The following NAT10 variants were observed in gnomAD, a reference collection of about 807,000 sequenced individuals.
NAT10 encodes the protein N-acetyltransferase 10.
NAT10 carries 109 observed loss-of-function variants against 132.2 expected under a neutral mutation model. The observed-to-expected ratio is 0.82, with a 90% CI of 0.71 to 0.97. NAT10 has a LOEUF of 0.97. Among genes scored for constraint, NAT10 ranks in the 50% least tolerant of loss-of-function variants. The pLI, the probability that NAT10 is intolerant of heterozygous loss-of-function variation, is 0.00. For synonymous variants in NAT10, 479 were observed against 478.0 expected (o/e 1.00, Z -0.03); for missense variants, 1,184 against 1,263.4 (o/e 0.94, Z 0.95).
chr11:34,139,017 T>C (rs1017333130), intron 21 of NAT10, 174 bp from the exon 22 acceptor site: 12 of 593,430 alleles, frequency 2.0e-5, no homozygotes, highest in Non-Finnish European at 3.0e-5. Context: ...TGAGGTGATA[T>C]GAGGAAGGTG....
chr11:34,124,561 C>G (rs543979316), intron 11 of NAT10, among the ~76,000 whole-genome samples, 161 bp downstream of exon 11: 1 of 152,200 alleles, frequency 6.6e-6, no homozygotes, highest in Admixed American at 6.5e-5. Context: ...TTTTCAGACT[C>G]TTCTAAAGAA....
At position 34,130,949 on chromosome 11, in the gene NAT10, C is replaced by T; in HGVS notation, c.1369+12C>T. The stretch of plus-strand genomic sequence containing the variant: ...CAGATTGGCATCAGGTACCCCAGAA[C>T]CTGACCCGGGTCCCGCGGTTCACAG... On this transcript the variant is annotated intron_variant, in intron 13 of 28. Coordinates refer to ENST00000257829, the MANE Select transcript of NAT10 (RefSeq NM_024662.3). 2.5e-6 allele frequency: 4 copies of T among 1,613,728 alleles called. No homozygotes were observed. Among genetic ancestry groups the T allele is most frequent in the Non-Finnish European group, 3.4e-6 (4 of 1,179,726 alleles).
chr11:34,141,693 G>T (rs1444426902), intron 25 of NAT10, 26 bp from the exon 26 acceptor site: 1 of 1,608,062 alleles, frequency 6.2e-7, no homozygotes, highest in Non-Finnish European at 8.5e-7. Context: ...TTCATCTTCT[G>T]CTTCTCTGTT....
intron 28 of NAT10, among the ~76,000 whole-genome samples, chr11:34,145,001 C>T (rs1852412959): frequency 1.3e-5 from 2 of 152,232 alleles, no homozygotes; most frequent in African/African-American, 4.8e-5. Flanking sequence ...CCTCATTTCC[C>T]AGATGCTTTG....
chr11:34,134,215 G>A lies in NAT10; in HGVS notation c.1735-104G>A, dbSNP rs557685881. 2.2e-5 allele frequency: 20 copies of A among 928,958 alleles called. 1 individual carries two copies. The South Asian group carries it at 2.8e-4, about 13-fold the overall frequency. The allele number at this position is 928,958 out of a possible 1,614,324, so 57.5% of individuals were successfully genotyped here. A position where few individuals can be genotyped will look rare whatever the true frequency, so the allele number is the denominator to read the frequency against. On this transcript the variant is annotated intron_variant, in intron 16 of 28. Transcript: ENST00000257829. ...AGTGTCAGGGTTAAACCTGAACATG[G>A]GGGTGGAAACAACTGGCCTAGTTCG...
intron 11 of NAT10, among the ~76,000 whole-genome samples, chr11:34,126,590 A>G (rs1465484585): frequency 1.3e-5 from 2 of 152,172 alleles, no homozygotes; most frequent in African/African-American, 4.8e-5. Flanking sequence ...ATACCAGTTT[A>G]CCCCCATGCC....
chr11:34,116,127 G>C (rs1459925007), intron 6 of NAT10, among the ~76,000 whole-genome samples: 1 of 152,078 alleles, frequency 6.6e-6, no homozygotes, highest in Non-Finnish European at 1.5e-5. Flanking sequence ...AGTTAAACCA[G>C]GTTACTCTCT....
In NAT10 at chr11:34,118,477, G is replaced by A. The variant is rs1851824407; in HGVS notation, c.754G>A (p.Val252Met). 1.2e-6 allele frequency: 2 copies of A among 1,614,010 alleles called. No homozygotes were observed. Among genetic ancestry groups the A allele is most frequent in the Non-Finnish European group, 8.5e-7 (1 of 1,179,928 alleles). ...GGACACCCAGCCTGTGGGTGTGTTG[G>A]TGGACTGCTGTAAGACTCTAGACCA... is the stretch of plus-strand genomic sequence containing the variant. ...LQDTQPVGVLVDCCKTLDQAK... is the reference protein window; with the variant it reads ...LQDTQPVGVLMDCCKTLDQAK... Residue 252 changes from valine to methionine, a missense_variant, in exon 8 of 29, where the codon GTG becomes ATG. Transcript: ENST00000257829.
chr11:34,112,003 G>C, intron 3 of NAT10, 49 bp from the exon 4 acceptor site: 1 of 1,604,714 alleles, frequency 6.2e-7, no homozygotes, highest in South Asian at 1.1e-5. Context: ...CAGCTCTTTA[G>C]CTGCTCTGGT....
chr11:34,134,262 A>C lies in NAT10; in HGVS notation c.1735-57A>C, dbSNP rs1027150919. On this transcript the variant is annotated intron_variant, in intron 16 of 28. Transcript: ENST00000257829. ...TTCGAGAAACAAGCTATATTCTGTG[A>C]GTGGGCTCTGTATCAGAGTTGGCCT... The C allele has an allele frequency of 2.1e-6, 3 of 1,430,258 alleles. No individual in the cohort carries two copies. The Admixed American group carries it at 5.0e-5, about 24-fold the overall frequency. 88.6% of individuals were successfully genotyped at this position (1,430,258 alleles called of 1,614,324 possible).
chr11:34,126,586 G>A (rs916387924), intron 11 of NAT10, among the ~76,000 whole-genome samples: 17 of 152,288 alleles, frequency 1.1e-4, no homozygotes, highest in Admixed American at 9.8e-4. Flanking sequence ...GTTTATACCA[G>A]TTTACCCCCA....
chr11:34,117,784 T>C (rs1397113665), intron 6 of NAT10, among the ~76,000 whole-genome samples: 1 of 152,166 alleles, frequency 6.6e-6, no homozygotes, highest in Non-Finnish European at 1.5e-5. Flanking sequence ...TTCATTTGTA[T>C]TTTTTCCCTG....
intron 3 of NAT10, among the ~76,000 whole-genome samples, chr11:34,109,527 G>A (rs936980601): frequency 1.1e-4 from 16 of 152,130 alleles, no homozygotes; most frequent in Non-Finnish European, 1.8e-4. Flanking sequence ...TGCCTAATGC[G>A]TCAACTTTTC....
At chr11:34,143,344 A>C in intron 27 of NAT10, 101 bp from the exon 28 acceptor site, 1 of 1,034,738 alleles carries the variant, frequency 9.7e-7, no homozygotes, top group Admixed American at 2.3e-5. Flanking sequence ...GGCTTTCATG[A>C]CAGGAAGTGT....
rs1428959264 is a variant in NAT10, at chr11:34,122,573, G to T, written c.895G>T (p.Ala299Ser). The change falls in exon 9 of 29, where the codon GCT becomes TCT. Residue 299 changes from alanine to serine, a missense_variant. By Grantham distance (99) the Ala-to-Ser change is moderately conservative. Coordinates refer to ENST00000257829, the MANE Select transcript of NAT10 (RefSeq NM_024662.3). ...ATCTGCAGCCCTGGGATTGGCGATT[G>T]CTGGGGCGGTGGCATTTGGGTAAGG... is the stretch of plus-strand genomic sequence containing the variant. The part of the protein sequence containing the change: ...GKSAALGLAI[A>S]GAVAFGYSNI... The T allele has an allele frequency of 6.2e-7, 1 of 1,614,156 alleles. No individual in the cohort carries two copies. The highest frequency in any genetic ancestry group is 1.3e-5 in the African/African-American group (1 of 75,046).
intron 1 of NAT10, 29 bp from the exon 2 acceptor site, chr11:34,108,182 A>C (rs774207565): frequency 3.7e-3 from 4,107 of 1,111,328 alleles, no homozygotes; most frequent in Non-Finnish European, 5.0e-3. Context: ...TCTAGTGCGC[A>C]TGGCCAGTTG....
Position 34,146,411 on chromosome 11 carries a change from A to G in NAT10, c.*219A>G, listed in dbSNP as rs1308090894. Reference sequence around the variant, plus strand: ...TAGAACTTGATGGCTGGGCACTGCCATCTCTAGAATTGCCACGAGTCTCTC... The same window carrying G: ...TAGAACTTGATGGCTGGGCACTGCCGTCTCTAGAATTGCCACGAGTCTCTC... On this transcript the variant is annotated 3_prime_UTR_variant, in exon 29 of 29. Transcript: ENST00000257829. 2.3e-6 allele frequency: 1 copy of G among 443,918 alleles called. No individual in the cohort carries two copies. The highest frequency in any genetic ancestry group is 3.9e-5 in the East Asian group (1 of 25,712). 27.5% of individuals were successfully genotyped at this position (443,918 alleles called of 1,614,324 possible).
intron 28 of NAT10, among the ~76,000 whole-genome samples, chr11:34,145,331 A>G (rs1325340514): frequency 6.6e-6 from 1 of 152,256 alleles, no homozygotes; most frequent in Non-Finnish European, 1.5e-5. Context: ...AAATACTGGT[A>G]GCTATCATTA....
chr11:34,111,383 A>G (rs1176460070), intron 3 of NAT10, among the ~76,000 whole-genome samples: 3 of 152,238 alleles, frequency 2.0e-5, no homozygotes, highest in East Asian at 1.9e-4. Flanking sequence ...TTAGAGAACT[A>G]TGGTAAAATT....
Sources: gnomAD v4.1 joint callset for allele counts (sites outside exome capture counted in the v4.1 genomes callset) on GRCh38, gnomAD v4.1.1 for gene constraint, MANE v1.5 for transcripts, NCBI Gene and HGNC (gene_info 2026-07-23, HGNC 2026-07-21) for gene names.